NPAS1: variants seen among roughly 807,000 people sequenced by gnomAD.
NPAS1 encodes the protein neuronal PAS domain protein 1.
NPAS1 carries 29 observed loss-of-function variants against 49.2 expected under a neutral mutation model. That is an observed-to-expected ratio of 0.59 (90% confidence interval 0.44 to 0.80). NPAS1 has a LOEUF of 0.80. Among genes scored for constraint, NPAS1 ranks in the 30% least tolerant of loss-of-function variants. NPAS1 has a pLI of 0.00. For synonymous variants in NPAS1, 408 were observed against 380.4 expected, an observed-to-expected ratio of 1.07 and a Z score of -0.84; for missense variants, 825 against 835.5, an observed-to-expected ratio of 0.99 and a Z score of 0.15.
intron 10 of NPAS1, 46 bp from the exon 11 acceptor site, chr19:47,042,764 G>A: frequency 6.6e-7 from 1 of 1,521,644 alleles, no homozygotes; most frequent in Non-Finnish European, 8.9e-7. Flanking sequence ...GGAGTCCTGA[G>A]AGGCCAAGGA....
At chr19:47,028,000 ATCAG>A (rs2056884893) in intron 3 of NPAS1, among the ~76,000 whole-genome samples, 1 of 151,868 alleles carries the variant, frequency 6.6e-6, no homozygotes. Flanking sequence ...AAAAAGACAC[ATCAG>A]TCAGTGATCA....
chr19:47,038,575 G>A (rs566081318), intron 6 of NPAS1, among the ~76,000 whole-genome samples: 16 of 149,156 alleles, frequency 1.1e-4, no homozygotes, highest in African/African-American at 3.7e-4. Flanking sequence ...ACATGTAATC[G>A]TAGCACCTTG....
At chr19:47,043,278 C>CAAAAAAAAAAAAA (rs1170715547) in intron 11 of NPAS1, among the ~76,000 whole-genome samples, 9 of 58,592 alleles carry the variant, frequency 1.5e-4, no homozygotes, top group African/African-American at 5.2e-4. Flanking sequence ...GACTCTGTCT[C>CAAAAAAAAAAAAA]AAAAAAAAAA....
At chr19:47,022,896 G>A (rs2056850385) in intron 3 of NPAS1, among the ~76,000 whole-genome samples, 2 of 152,270 alleles carry the variant, frequency 1.3e-5, no homozygotes, top group South Asian at 4.1e-4. Flanking sequence ...TCTATTTTAT[G>A]TGTTTGTTAC....
At chr19:47,024,340 A>G (rs1393153177) in intron 3 of NPAS1, among the ~76,000 whole-genome samples, 2 of 152,028 alleles carry the variant, frequency 1.3e-5, no homozygotes, top group Non-Finnish European at 2.9e-5. Flanking sequence ...AGACCCTGGG[A>G]TAAGCCCTGT....
At chr19:47,031,031 A>G (rs903774912) in intron 3 of NPAS1, among the ~76,000 whole-genome samples, 3 of 151,772 alleles carry the variant, frequency 2.0e-5, no homozygotes, top group African/African-American at 7.3e-5. Flanking sequence ...TCTGTCTTTC[A>G]GTCTCCTCTC....
chr19:47,036,063 C>G lies in NPAS1; in HGVS notation c.622C>G (p.Pro208Ala). The G allele has an allele frequency of 1.3e-6, 2 of 1,599,002 alleles. No homozygotes were observed. The highest frequency in any genetic ancestry group is 1.7e-6 in the Non-Finnish European group (2 of 1,172,960). ...LGLRTPTPGP[P>A]TPPSVSSSSS... ...GCTGCGGACGCCGACGCCCGGCCCC[C>G]CAACCCCGCCCTCCGTCTCCTCTTC... is the stretch of plus-strand genomic sequence containing the variant. The change falls in exon 6 of 12, where the codon CCA becomes GCA. Residue 208 changes from proline (P) to alanine (A), a missense_variant. Transcript: ENST00000602212.
intron 5 of NPAS1, among the ~76,000 whole-genome samples, chr19:47,034,698 G>A (rs11667702): frequency 0.033 from 4,959 of 151,974 alleles, 124 homozygotes; most frequent in Non-Finnish European, 0.05. Context: ...GCAACATGGC[G>A]AAACCCAGTC....
At chr19:47,025,556 G>A (rs2056866319) in intron 3 of NPAS1, among the ~76,000 whole-genome samples, 1 of 152,028 alleles carries the variant, frequency 6.6e-6, no homozygotes, top group East Asian at 1.9e-4. Context: ...GGGATTACAG[G>A]TGTGAGCCAC....
At chr19:47,025,671 G>A (rs189729659) in intron 3 of NPAS1, among the ~76,000 whole-genome samples, 221 of 152,122 alleles carry the variant, frequency 1.5e-3, no homozygotes, top group African/African-American at 5.0e-3. Context: ...CACCTACTAG[G>A]CTCAAGAGTT....
Position 47,021,211 on chromosome 19 carries a change from G to A in NPAS1, c.122+42G>A, listed in dbSNP as rs534945686. On this transcript the variant is annotated intron_variant, in intron 2 of 11. Coordinates refer to ENST00000602212, the MANE Select transcript of NPAS1 (RefSeq NM_002517.4). This position sits in a 1 kb window ranked among gnomAD's most constrained non-coding sequence, Gnocchi z 5.7. ...CCCCCTGGCCGCGGGCCCCCCCCCG[G>A]GTCCAATTCACACCCGATGTTCTGT... The A allele has an allele frequency of 6.1e-6, 9 of 1,471,262 alleles. No homozygotes were observed. In the East Asian group the frequency reaches 7.7e-5, roughly 13 times the overall value. 91.1% of individuals were successfully genotyped at this position (1,471,262 alleles called of 1,614,324 possible). A position where few individuals can be genotyped will look rare whatever the true frequency, so the allele number is the denominator to read the frequency against.
intron 9 of NPAS1, 152 bp downstream of exon 9, chr19:47,040,702 A>G: frequency 1.6e-6 from 1 of 624,448 alleles, no homozygotes; most frequent in Non-Finnish European, 2.8e-6. Context: ...TTGGAAGAGC[A>G]GCAAGGAGAC....
rs2056827266 is a variant in NPAS1, at chr19:47,019,854, G to C, written c.-186G>C. 1 of 316,540 alleles carries C rather than the reference G, an allele frequency of 3.2e-6. No individual in the cohort carries two copies. Among genetic ancestry groups the C allele is most frequent in the Non-Finnish European group, 5.8e-6 (1 of 173,800 alleles). The allele number at this position is 316,540 out of a possible 1,614,324, so 19.6% of individuals were successfully genotyped here. A position where few individuals can be genotyped will look rare whatever the true frequency, so the allele number is the denominator to read the frequency against. On this transcript the variant is annotated 5_prime_UTR_variant, in exon 1 of 12. Coordinates refer to ENST00000602212, the MANE Select transcript of NPAS1 (RefSeq NM_002517.4). ...TCTGCGAGGCCGAGGTGGGCGCCGAGAGCTGGGCGCCACAGCCCGCGCGTC... is the reference window on the plus strand; with the variant it reads ...TCTGCGAGGCCGAGGTGGGCGCCGACAGCTGGGCGCCACAGCCCGCGCGTC...
chr19:47,020,022 G>A (rs2056828771), intron 1 of NPAS1, 25 bp downstream of exon 1: 2 of 393,080 alleles, frequency 5.1e-6, no homozygotes, highest in Admixed American at 8.9e-5. Context: ...CGGGCTGGCA[G>A]GAGGGGGACT....
chr19:47,030,802 C>G (rs867457572), intron 3 of NPAS1, among the ~76,000 whole-genome samples: 1 of 151,950 alleles, frequency 6.6e-6, no homozygotes, highest in African/African-American at 2.4e-5. Context: ...TATAGGCACC[C>G]GCCATCATGC....
At chr19:47,040,326 C>A (rs986929538) in intron 8 of NPAS1, 118 bp from the exon 9 acceptor site, 3 of 659,998 alleles carry the variant, frequency 4.5e-6, no homozygotes, top group Non-Finnish European at 8.1e-6. Flanking sequence ...CCTGCCAACA[C>A]TGTTATTGCA....
At chr19:47,037,926 T>C (rs967995922) in intron 6 of NPAS1, among the ~76,000 whole-genome samples, 5 of 152,234 alleles carry the variant, frequency 3.3e-5, no homozygotes, top group African/African-American at 7.2e-5. Flanking sequence ...GCCCCTGTCC[T>C]GGTGACATAG....
At chr19:47,031,888 C>G (rs547194589) in intron 3 of NPAS1, among the ~76,000 whole-genome samples, 3 of 152,140 alleles carry the variant, frequency 2.0e-5, no homozygotes, top group African/African-American at 4.8e-5. Context: ...TAGTTTCTTG[C>G]TTGCTGTTCA....
At chr19:47,035,215 G>GAA (rs1375746309) in intron 5 of NPAS1, 1 of 153,530 alleles carries the variant, frequency 6.5e-6, no homozygotes, top group African/African-American at 2.4e-5. Flanking sequence ...AGAAGAAGAA[G>GAA]AAGAAGGAAA....
Sources: gnomAD v4.1 joint callset for allele counts (sites outside exome capture counted in the v4.1 genomes callset) on GRCh38, gnomAD v4.1.1 for gene constraint, Gnocchi (gnomAD v3.1) non-coding constraint, MANE v1.5 for transcripts, NCBI Gene and HGNC (gene_info 2026-07-23, HGNC 2026-07-21) for gene names.